CNTNAP2: variants seen among roughly 807,000 people sequenced by gnomAD.
CNTNAP2 encodes contactin-associated protein-like 2.
CNTNAP2 carries 98 observed loss-of-function variants against 155.2 expected under a neutral mutation model. That is an observed-to-expected ratio of 0.63 (90% CI 0.54 to 0.75). CNTNAP2 has a LOEUF of 0.75. CNTNAP2 is among the 30% of genes least tolerant of loss of function. The pLI, the probability that CNTNAP2 is intolerant of heterozygous loss-of-function variation, is 0.00. For missense variants in CNTNAP2, 1,727 were observed against 1,688.1 expected, an observed-to-expected ratio of 1.02 and a Z score of -0.40; for synonymous variants, 651 against 631.2, an observed-to-expected ratio of 1.03 and a Z score of -0.47.
intron 1 of CNTNAP2, among the ~76,000 whole-genome samples, chr7:146,666,069 G>A (rs1800189163): frequency 6.6e-6 from 1 of 151,898 alleles, no homozygotes; most frequent in Non-Finnish European, 1.5e-5. Flanking sequence ...ATCCTAAAGT[G>A]GTATAGAACA....
At chr7:146,371,370 T>TTG (rs1347153001) in intron 1 of CNTNAP2, among the ~76,000 whole-genome samples, 3 of 134,018 alleles carry the variant, frequency 2.2e-5, no homozygotes, top group East Asian at 2.1e-4. Context: ...TATTAGTTTT[T>TTG]TTTTTTTTTT....
chr7:146,404,403 G>C (rs802191), intron 1 of CNTNAP2, among the ~76,000 whole-genome samples: 81,324 of 151,894 alleles, frequency 0.54, 25,443 homozygotes, highest in African/African-American at 0.87. Context: ...TCACTTGTGC[G>C]TTTTAGCAGG....
chr7:146,406,096 G>A (rs1263456477), intron 1 of CNTNAP2, among the ~76,000 whole-genome samples: 1 of 152,172 alleles, frequency 6.6e-6, no homozygotes, highest in African/African-American at 2.4e-5. Flanking sequence ...AGGACCAGAG[G>A]TTCAGAGCTA....
At chr7:146,190,987 A>G (rs187165213) in intron 1 of CNTNAP2, among the ~76,000 whole-genome samples, 9 of 152,324 alleles carry the variant, frequency 5.9e-5, no homozygotes, top group Admixed American at 5.2e-4. Flanking sequence ...ATATGAATCT[A>G]TCACTCACAG....
In CNTNAP2 at chr7:146,140,291, G is replaced by T. The variant is rs535314313; in HGVS notation, c.97+23318G>T. 2.6e-5 allele frequency among the ~76,000 whole-genome samples: 4 copies of T among 152,188 alleles called. No homozygotes were observed. In the East Asian group the frequency reaches 7.8e-4, roughly 30 times the overall value. On this transcript the variant is annotated intron_variant, in intron 1 of 23. Transcript: ENST00000361727. ...TTCTTGCACAGTCCCAGGGTTGATG[G>T]CAGAGTCTTCTTCCTGTTCAATGTC...
At chr7:146,773,224 C>A (rs896472911) in intron 1 of CNTNAP2, among the ~76,000 whole-genome samples, 3 of 152,138 alleles carry the variant, frequency 2.0e-5, no homozygotes, top group Non-Finnish European at 4.4e-5. Flanking sequence ...AAAAAAAAAT[C>A]TTAATGACAT....
chr7:146,490,837 A>T (rs1016181970), intron 1 of CNTNAP2, among the ~76,000 whole-genome samples: 1 of 152,204 alleles, frequency 6.6e-6, no homozygotes, highest in African/African-American at 2.4e-5. Context: ...ATGAGCAATA[A>T]GATTCTATAT....
At chr7:146,158,673 C>T (rs1400856753) in intron 1 of CNTNAP2, among the ~76,000 whole-genome samples, 2 of 151,954 alleles carry the variant, frequency 1.3e-5, no homozygotes, top group Non-Finnish European at 2.9e-5. Context: ...TGAAATGAAG[C>T]AAGAAGAGAA....
Position 148,211,213 on chromosome 7 carries a change from C to A in CNTNAP2, c.3011-6075C>A, listed in dbSNP as rs143068541. On this transcript the variant is annotated intron_variant, in intron 18 of 23. Transcript: ENST00000361727. ...AGGCTGCAGCTCAGTTCTATGCCTC[C>A]TCTAGCATGGTTCTGGCTCCCAGGA... Among the ~76,000 whole-genome samples, 451 of 152,330 alleles carry A rather than the reference C, an allele frequency of 3.0e-3. 4 individuals are homozygous for A. The highest frequency in any genetic ancestry group is 9.9e-3 in the African/African-American group (411 of 41,568).
chr7:148,137,673 G>GA (rs1309184208), intron 16 of CNTNAP2, among the ~76,000 whole-genome samples: 94 of 33,606 alleles, frequency 2.8e-3, no homozygotes, highest in Non-Finnish European at 3.0e-3. Flanking sequence ...GAAAAAAAAG[G>GA]AAGGAAGGAA....
chr7:147,174,290 T>C (rs1250737787), intron 8 of CNTNAP2, among the ~76,000 whole-genome samples: 2 of 152,198 alleles, frequency 1.3e-5, no homozygotes, highest in African/African-American at 2.4e-5. Context: ...AAGTTCTGAT[T>C]ACCTTTTAAT....
intron 8 of CNTNAP2, among the ~76,000 whole-genome samples, chr7:147,285,728 A>G (rs1805160973): frequency 6.6e-6 from 1 of 152,032 alleles, no homozygotes; most frequent in Non-Finnish European, 1.5e-5. Flanking sequence ...CATGGAGAAG[A>G]GGCAAGGTGC....
At position 147,784,381 on chromosome 7, in the gene CNTNAP2, CATAT is replaced by C. The variant is rs60221349; in HGVS notation, c.2099-119161_2099-119158del. Among the ~76,000 whole-genome samples, 754 of 99,274 alleles carry C rather than the reference CATAT, an allele frequency of 7.6e-3. 39 individuals are homozygous for C. The highest frequency in any genetic ancestry group is 0.014 in the African/African-American group (403 of 29,316). The allele number at this position is 99,274 out of a possible 152,430, so 65.1% of individuals were successfully genotyped here. ...TTCATAGCCCTCTACAAACTAAAAA[CATAT>C]ATATATATATATATATATATATGTA... is the stretch of plus-strand genomic sequence containing the variant. On this transcript the variant is annotated intron_variant, in intron 13 of 23. Coordinates refer to ENST00000361727, the MANE Select transcript of CNTNAP2 (RefSeq NM_014141.6).
At position 148,362,633 on chromosome 7, in the gene CNTNAP2, G is replaced by C. The variant is rs367734867; in HGVS notation, c.3476-21016G>C. On this transcript the variant is annotated intron_variant, in intron 21 of 23. Coordinates refer to ENST00000361727, the MANE Select transcript of CNTNAP2 (RefSeq NM_014141.6). ...TGTACTGCGTGCAGGCTGCAGGGGA[G>C]CACAGCACTACCTAAGCCCCATCCA... Among the ~76,000 whole-genome samples, 28 of 152,322 alleles carry C rather than the reference G, an allele frequency of 1.8e-4. 1 individual carries two copies. The highest frequency in any genetic ancestry group is 6.8e-3 in the Middle Eastern group (2 of 294).
chr7:147,006,086 T>G (rs188425460), intron 3 of CNTNAP2, among the ~76,000 whole-genome samples: 2 of 152,180 alleles, frequency 1.3e-5, no homozygotes, highest in Admixed American at 6.6e-5. Context: ...AAATAGAAAT[T>G]TATTAACATG....
intron 13 of CNTNAP2, among the ~76,000 whole-genome samples, chr7:147,800,567 GCCTTAGT>G (rs1797968457): frequency 6.6e-6 from 1 of 151,978 alleles, no homozygotes; most frequent in Non-Finnish European, 1.5e-5. Context: ...GTTGCCATGA[GCCTTAGT>G]CTATCATCAT....
chr7:146,967,616 C>T (rs945288479), intron 3 of CNTNAP2, among the ~76,000 whole-genome samples: 12 of 152,160 alleles, frequency 7.9e-5, no homozygotes, highest in Middle Eastern at 3.4e-3. Context: ...TGTTTGTCTG[C>T]TATTGGTGTA....
intron 20 of CNTNAP2, among the ~76,000 whole-genome samples, chr7:148,254,446 A>G (rs1796425347): frequency 6.6e-6 from 1 of 152,186 alleles, no homozygotes; most frequent in Non-Finnish European, 1.5e-5. Context: ...GTTTCTCATA[A>G]TAATTCTCAA....
chr7:147,726,273 A>G (rs1220294829), intron 13 of CNTNAP2, among the ~76,000 whole-genome samples: 1 of 152,060 alleles, frequency 6.6e-6, no homozygotes, highest in Non-Finnish European at 1.5e-5. Flanking sequence ...ACACACACAC[A>G]CAAAGAGGAC....
Sources: allele counts gnomAD v4.1 joint callset (sites outside exome capture counted in the v4.1 genomes callset), GRCh38; gene constraint gnomAD v4.1.1; transcripts MANE v1.5; gene names NCBI Gene and HGNC (gene_info 2026-07-23, HGNC 2026-07-21).